Variants in EVC observed in about 807,000 individuals in gnomAD.
The protein encoded by EVC is EvC ciliary complex subunit 1.
EVC carries 116 observed loss-of-function variants against 118.9 expected under a neutral mutation model. That is an observed-to-expected ratio of 0.98 (90% confidence interval 0.84 to 1.14). The LOEUF is 1.14. Among genes scored for constraint, EVC ranks in the 50% most tolerant of loss-of-function variants. The probability of loss-of-function intolerance (pLI) is 0.00; values close to 1 mark genes in which losing one functional copy is unlikely to be tolerated. For synonymous variants in EVC, 619 were observed against 534.7 expected (o/e 1.16, Z -2.18); for missense variants, 1,401 against 1,246.4 (o/e 1.12, Z -1.87).
At chr4:5,730,049 T>C (rs983206925) in intron 3 of EVC, among the ~76,000 whole-genome samples, 7 of 152,188 alleles carry the variant, frequency 4.6e-5, no homozygotes, top group African/African-American at 7.2e-5. Context: ...TTCTTGGTAT[T>C]CAGGATGACG....
chr4:5,714,176 T>C (rs1334048670), intron 1 of EVC, among the ~76,000 whole-genome samples: 1 of 152,250 alleles, frequency 6.6e-6, no homozygotes, highest in Non-Finnish European at 1.5e-5. Context: ...AGCCTTAACC[T>C]TCCACGCTAG....
At chr4:5,777,927 C>T (rs1051696941) in intron 11 of EVC, among the ~76,000 whole-genome samples, 7 of 151,948 alleles carry the variant, frequency 4.6e-5, no homozygotes, top group South Asian at 2.1e-4. Flanking sequence ...CATGCTGGTG[C>T]GCTGCACCCA....
At chr4:5,784,280 C>T (rs576296229) in intron 12 of EVC, among the ~76,000 whole-genome samples, 6 of 152,178 alleles carry the variant, frequency 3.9e-5, no homozygotes, top group South Asian at 4.2e-4. Context: ...GTGAGCCCAG[C>T]GTAATTGCAA....
the EVC span, chr4:5,825,269 T>C: frequency 1.0e-6 from 1 of 985,298 alleles, no homozygotes; most frequent in East Asian, 1.1e-4. The surrounding 1 kb of genome is among the most constrained non-coding windows in gnomAD (Gnocchi z 4.4). Context: ...TAAACCCACA[T>C]CAGGTACCAC....
intron 17 of EVC, 69 bp from the exon 18 acceptor site, chr4:5,808,132 T>TGCCAGC: frequency 1.5e-5 from 7 of 464,746 alleles, no homozygotes; most frequent in East Asian, 1.2e-4. Flanking sequence ...GCCTTCCTTC[T>TGCCAGC]CCCTCCCTCC....
In EVC at chr4:5,731,413, C is replaced by G; in HGVS notation, c.385-12C>G. On this transcript the variant is annotated splice_polypyrimidine_tract_variant and intron_variant, in intron 3 of 20. Transcript: ENST00000264956. The surrounding 1 kb of genome is among the most constrained non-coding windows in gnomAD (Gnocchi z 5.6). ...TCACATGGACTGAGTGTGACTCCTACTGCCACCCCAGCCTCTGGCCGATGG... is the reference window on the plus strand; with the variant it reads ...TCACATGGACTGAGTGTGACTCCTAGTGCCACCCCAGCCTCTGGCCGATGG... The G allele has an allele frequency of 6.2e-7, 1 of 1,607,716 alleles. No individual in the cohort carries two copies. Among genetic ancestry groups the G allele is most frequent in the Non-Finnish European group, 8.5e-7 (1 of 1,174,352 alleles).
chr4:5,748,711 T>TCCAC (rs1560331302), intron 8 of EVC, among the ~76,000 whole-genome samples: 1 of 59,862 alleles, frequency 1.7e-5, no homozygotes, highest in Non-Finnish European at 3.0e-5. Flanking sequence ...CGTCCACCCA[T>TCCAC]CCACCCACCC....
intron 12 of EVC, among the ~76,000 whole-genome samples, chr4:5,791,651 C>G (rs566172116): frequency 1.4e-4 from 22 of 152,258 alleles, no homozygotes; most frequent in African/African-American, 5.3e-4. Flanking sequence ...AATAGCCCCT[C>G]CCATCCAGGA....
In EVC at chr4:5,762,814, A is replaced by G. The variant is rs1275413086; in HGVS notation, c.1563+6452A>G. Among the ~76,000 whole-genome samples the G allele has an allele frequency of 2.4e-3, 168 of 69,460 alleles. 33 individuals are homozygous for G. Among genetic ancestry groups the G allele is most frequent in the African/African-American group, 8.1e-3 (155 of 19,190 alleles). 45.6% of individuals were successfully genotyped at this position (69,460 alleles called of 152,430 possible). A position where few individuals can be genotyped will look rare whatever the true frequency, so the allele number is the denominator to read the frequency against. ...ATTCTGGATATTAGCCCTTTGTCAC[A>G]TGAGTAGGTTGCGAAAATTTTCTCC... is the stretch of plus-strand genomic sequence containing the variant. On this transcript the variant is annotated intron_variant, in intron 11 of 20. Transcript: ENST00000264956.
chr4:5,771,884 A>G (rs1734021156), intron 11 of EVC, among the ~76,000 whole-genome samples: 1 of 133,446 alleles, frequency 7.5e-6, no homozygotes, highest in South Asian at 2.2e-4. Flanking sequence ...GTGGCTTTTT[A>G]TTTTATTTTA....
At chr4:5,779,473 GC>G in intron 11 of EVC, among the ~76,000 whole-genome samples, 1 of 150,350 alleles carries the variant, frequency 6.7e-6, no homozygotes. Flanking sequence ...CTACCCATGA[GC>G]ATGGAATGTT....
At chr4:5,785,630 G>C (rs1248931432) in intron 12 of EVC, among the ~76,000 whole-genome samples, 1 of 152,186 alleles carries the variant, frequency 6.6e-6, no homozygotes, top group Non-Finnish European at 1.5e-5. Context: ...CCTGTCGTAG[G>C]TGACTTGTCT....
chr4:5,769,289 C>T (rs1299826624), intron 11 of EVC, among the ~76,000 whole-genome samples: 1 of 152,090 alleles, frequency 6.6e-6, no homozygotes, highest in African/African-American at 2.4e-5. Context: ...GAGACTTACC[C>T]ACTGTCACAA....
rs1446863578 is a variant in EVC at position 5,737,928 on chromosome 4, A to G, written c.703-3788A>G. Among the ~76,000 whole-genome samples, 4 of 152,242 alleles carry G rather than the reference A, an allele frequency of 2.6e-5. No homozygotes were observed. Among genetic ancestry groups the G allele is most frequent in the African/African-American group, 9.6e-5 (4 of 41,466 alleles). ...TACATTTCCTAAGGCTCTAACTGCC[A>G]TACATAGTGATTCCTCTGAAGGATT... On this transcript the variant is annotated intron_variant, in intron 5 of 20. Transcript: ENST00000264956. The surrounding 1 kb of genome is among the most constrained non-coding windows in gnomAD (Gnocchi z 5.0).
chr4:5,824,168 C>T, the EVC span: 5 of 317,628 alleles, frequency 1.6e-5, no homozygotes, highest in Non-Finnish European at 2.3e-5. Context: ...TGTTTAATTG[C>T]ATAACTCCAG....
chr4:5,741,349 C>G (rs1209083061), intron 5 of EVC, among the ~76,000 whole-genome samples: 1 of 152,204 alleles, frequency 6.6e-6, no homozygotes, highest in African/African-American at 2.4e-5. Context: ...TACAACTATC[C>G]CGCTGATTCT....
chr4:5,744,102 A>G (rs932198876), intron 6 of EVC, among the ~76,000 whole-genome samples: 2 of 152,204 alleles, frequency 1.3e-5, no homozygotes, highest in African/African-American at 2.4e-5. Context: ...TTAAATGCAT[A>G]ATTTCATTTA....
intron 13 of EVC, among the ~76,000 whole-genome samples, chr4:5,796,191 C>T (rs756091675): frequency 1.3e-4 from 19 of 151,916 alleles, no homozygotes; most frequent in Non-Finnish European, 1.8e-4. Context: ...TGAAATTCTT[C>T]GTCTTATCAT....
intron 11 of EVC, among the ~76,000 whole-genome samples, chr4:5,778,025 T>G (rs1472105633): frequency 6.9e-6 from 1 of 145,196 alleles, no homozygotes; most frequent in Non-Finnish European, 1.5e-5. Flanking sequence ...AGTGTGATGT[T>G]CCCCTTCCTG....
Sources: gnomAD v4.1 joint callset for allele counts (sites outside exome capture counted in the v4.1 genomes callset) on GRCh38, gnomAD v4.1.1 for gene constraint, Gnocchi (gnomAD v3.1) non-coding constraint, MANE v1.5 for transcripts, NCBI Gene and HGNC (gene_info 2026-07-23, HGNC 2026-07-21) for gene names.